The following NLGN4X variants were observed in gnomAD, a reference collection of about 807,000 sequenced individuals.
NLGN4X encodes the protein neuroligin 4 X-linked.
A neutral mutation model predicts 40.3 loss-of-function variants in NLGN4X; 3 were observed. That is an observed-to-expected ratio of 0.07 (90% CI 0.03 to 0.19). The LOEUF is 0.19. Among genes scored for constraint, NLGN4X ranks in the 10% least tolerant of loss-of-function variants. The pLI is 1.00. For missense variants in NLGN4X, 382 were observed against 708.3 expected, an observed-to-expected ratio of 0.54 and a Z score of 5.23; for synonymous variants, 270 against 306.8, an observed-to-expected ratio of 0.88 and a Z score of 1.25.
intron 5 of NLGN4X, among the ~76,000 whole-genome samples, chrX:5,895,276 T>C (rs1263065170): frequency 9.0e-6 from 1 of 111,671 alleles, no homozygotes; most frequent in Admixed American, 9.5e-5. Context: ...CTCCTCTACA[T>C]GGCTGATGAA....
At position 5,893,125 on chromosome X, in the gene NLGN4X, T is replaced by G; in HGVS notation, c.2143A>C (p.Arg715=). 2.5e-6 allele frequency: 3 copies of G among 1,211,649 alleles called. No individual in the cohort carries two copies. Among genetic ancestry groups the G allele is most frequent in the Non-Finnish European group, 3.4e-6 (3 of 895,452 alleles). ...TGAGCGATATCATTTGTGGTGTTTC[T>G]CTGGGGACTGGGGCGCCTGTGAGTC... is the stretch of plus-strand genomic sequence containing the variant. ...HETHRRPSPQ[R]NTTNDIAHIQ... The change falls in exon 6 of 6, where the codon AGA becomes CGA. Residue 715 remains arginine (R), a synonymous_variant. Coordinates refer to ENST00000381095, the MANE Select transcript of NLGN4X (RefSeq NM_181332.3).
chrX:6,195,582 T>G (rs898483666), intron 1 of NLGN4X, among the ~76,000 whole-genome samples: 1 of 112,418 alleles, frequency 8.9e-6, no homozygotes, highest in Non-Finnish European at 1.9e-5. Flanking sequence ...ATATTAGCTC[T>G]TGAAATTGTA....
chrX:6,067,109 C>CCG (rs949764504), intron 2 of NLGN4X, among the ~76,000 whole-genome samples: 2 of 108,897 alleles, frequency 1.8e-5, no homozygotes, highest in Non-Finnish European at 3.8e-5. Context: ...ATACAGTCCC[C>CCG]CCCCCAAAAC....
At chrX:5,957,709 C>G (rs950126526) in intron 3 of NLGN4X, among the ~76,000 whole-genome samples, 7 of 111,364 alleles carry the variant, frequency 6.3e-5, no homozygotes, top group Non-Finnish European at 1.3e-4. Context: ...TCTGAGAAAT[C>G]AACGTGTAAG....
At chrX:5,970,521 C>T (rs5961905) in intron 3 of NLGN4X, among the ~76,000 whole-genome samples, 33,598 of 110,692 alleles carry the variant, frequency 0.3, 4,559 homozygotes, top group Middle Eastern at 0.58. Flanking sequence ...TTTTTAAAAT[C>T]ATATCTCCTC....
At chrX:5,894,421 A>G (rs1453152689) in intron 5 of NLGN4X, among the ~76,000 whole-genome samples, 1 of 112,483 alleles carries the variant, frequency 8.9e-6, no homozygotes, top group African/African-American at 3.2e-5. Flanking sequence ...TTTGCTCTCT[A>G]TTTGAAGGTA....
intron 2 of NLGN4X, among the ~76,000 whole-genome samples, chrX:6,085,401 G>A (rs2038471343): frequency 8.9e-6 from 1 of 111,759 alleles, no homozygotes; most frequent in African/African-American, 3.3e-5. Context: ...ACAGGCAAAA[G>A]GCAACCGAAT....
chrX:5,970,177 AAAAT>A (rs200984969), intron 3 of NLGN4X, among the ~76,000 whole-genome samples: 29 of 108,853 alleles, frequency 2.7e-4, no homozygotes, highest in Admixed American at 9.8e-4. Flanking sequence ...AGTATAATAA[AAAAT>A]AAATAAATAA....
intron 3 of NLGN4X, among the ~76,000 whole-genome samples, chrX:6,015,180 A>C (rs1006571846): frequency 2.7e-5 from 3 of 111,583 alleles, no homozygotes; most frequent in African/African-American, 9.8e-5. Flanking sequence ...GAAATGCTGT[A>C]GGATTGGGGA....
At position 5,892,907 on chromosome X, in the gene NLGN4X, C is replaced by T. The variant is rs374449420; in HGVS notation, c.2361G>A (p.Thr787=). 11 of 1,209,077 alleles carry T rather than the reference C, an allele frequency of 9.1e-6. No homozygotes were observed. The highest frequency in any genetic ancestry group is 1.8e-5 in the African/African-American group (1 of 56,822). The change falls in exon 6 of 6, where the codon ACG becomes ACA. Residue 787 remains threonine (T), a synonymous_variant. Transcript: ENST00000381095. The part of the protein sequence containing the change: ...NTITMIPNTL[T]GMQPLHTFNT... ...TAAAAGTGTGCAAAGGCTGCATCCC[C>T]GTCAGTGTGTTTGGAATCATGGTGA... is the stretch of plus-strand genomic sequence containing the variant.
chrX:6,133,768 C>G (rs1383102176), intron 2 of NLGN4X, among the ~76,000 whole-genome samples: 1 of 111,681 alleles, frequency 9.0e-6, no homozygotes, highest in African/African-American at 3.3e-5. Flanking sequence ...AACTTCTGTA[C>G]TCTTCCATTC....
intron 2 of NLGN4X, among the ~76,000 whole-genome samples, chrX:6,072,551 A>G (rs929279003): frequency 1.8e-5 from 2 of 111,551 alleles, no homozygotes; most frequent in Non-Finnish European, 1.9e-5. Context: ...ATATCCCTAA[A>G]CTGTACATGC....
chrX:6,006,461 T>C (rs990549882), intron 3 of NLGN4X, among the ~76,000 whole-genome samples: 5 of 111,179 alleles, frequency 4.5e-5, no homozygotes, highest in South Asian at 3.8e-4. Flanking sequence ...ACCAAGTAAA[T>C]GTAAGTAATG....
chrX:5,936,208 C>T (rs780813615), intron 3 of NLGN4X, among the ~76,000 whole-genome samples: 1 of 111,851 alleles, frequency 8.9e-6, no homozygotes, highest in South Asian at 3.7e-4. Flanking sequence ...AATGATACAT[C>T]CTTGCAGTAA....
intron 3 of NLGN4X, among the ~76,000 whole-genome samples, chrX:5,914,797 G>C (rs909673125): frequency 9.0e-6 from 1 of 111,476 alleles, no homozygotes; most frequent in Admixed American, 9.5e-5. Context: ...ATGCAAATGA[G>C]GTCAAAAAGA....
chrX:5,950,410 G>A (rs1340962708), intron 3 of NLGN4X, among the ~76,000 whole-genome samples: 6 of 111,529 alleles, frequency 5.4e-5, no homozygotes, highest in East Asian at 2.8e-4. Context: ...TGGTTTCTTC[G>A]GGCACTCTTG....
chrX:6,148,055 T>A (rs5915650), intron 2 of NLGN4X, among the ~76,000 whole-genome samples: 2,347 of 112,215 alleles, frequency 0.021, 26 homozygotes, highest in Non-Finnish European at 0.03. Context: ...AAAAAATATA[T>A]GTTTCATAAA....
intron 2 of NLGN4X, among the ~76,000 whole-genome samples, chrX:6,101,026 T>TC (rs2038897230): frequency 9.1e-6 from 1 of 110,201 alleles, no homozygotes; most frequent in Admixed American, 9.7e-5. Flanking sequence ...AAATCATGTC[T>TC]CCCAAAGGAG....
At chrX:6,171,383 G>A (rs1014259456) in intron 1 of NLGN4X, among the ~76,000 whole-genome samples, 3 of 111,710 alleles carry the variant, frequency 2.7e-5, no homozygotes, top group Non-Finnish European at 5.6e-5. Context: ...CTTTCTCCTT[G>A]AAGTCTCACT....
Sources: gnomAD v4.1 joint callset for allele counts (sites outside exome capture counted in the v4.1 genomes callset) on GRCh38, gnomAD v4.1.1 for gene constraint, MANE v1.5 for transcripts, NCBI Gene and HGNC (gene_info 2026-07-23, HGNC 2026-07-21) for gene names.